The following LRRTM4 variants were observed in gnomAD, a reference collection of about 807,000 sequenced individuals.
LRRTM4 encodes the protein leucine-rich repeat transmembrane neuronal protein 4.
Under a neutral mutation model 47.6 loss-of-function variants are expected in LRRTM4, and 25 were observed. The observed-to-expected ratio is 0.53, with a 90% CI of 0.38 to 0.73. The LOEUF (loss-of-function observed/expected upper bound fraction) is 0.73. Among genes scored for constraint, LRRTM4 ranks in the 30% least tolerant of loss-of-function variants. The pLI is 0.00. For synonymous variants in LRRTM4, 311 were observed against 269.5 expected, an observed-to-expected ratio of 1.15 and a Z score of -1.51; for missense variants, 638 against 713.4, an observed-to-expected ratio of 0.89 and a Z score of 1.20.
intron 3 of LRRTM4, among the ~76,000 whole-genome samples, chr2:77,245,271 G>A (rs1281153077): frequency 1.3e-5 from 2 of 152,076 alleles, no homozygotes; most frequent in East Asian, 1.9e-4. Context: ...TCATGGCCAG[G>A]CCGGGTGCCT....
At chr2:77,078,739 C>T (rs954706760) in intron 3 of LRRTM4, among the ~76,000 whole-genome samples, 1 of 152,158 alleles carries the variant, frequency 6.6e-6, no homozygotes, top group Non-Finnish European at 1.5e-5. Flanking sequence ...GTACAAACTT[C>T]TGTTAAAATT....
intron 3 of LRRTM4, among the ~76,000 whole-genome samples, chr2:77,438,939 G>A (rs991877947): frequency 8.5e-5 from 13 of 152,110 alleles, no homozygotes; most frequent in Admixed American, 3.3e-4. Context: ...GGGGCATACT[G>A]CAATTGAACT....
At chr2:77,250,782 T>C (rs1273631937) in intron 3 of LRRTM4, among the ~76,000 whole-genome samples, 2 of 152,136 alleles carry the variant, frequency 1.3e-5, no homozygotes, top group Admixed American at 6.6e-5. Flanking sequence ...CAGATTGTCC[T>C]TGTATACTTA....
rs1184242434 is a variant in LRRTM4 at position 76,748,585 on chromosome 2, C to A, written c.*110G>T. On this transcript the variant is annotated 3_prime_UTR_variant, in exon 4 of 4. Transcript: ENST00000409884. Reference sequence around the variant, plus strand: ...TTTCTCTATGCCATAAATGTTTTAACAGGAACGATGAGCTTGCTCGATTGC... The same window carrying A: ...TTTCTCTATGCCATAAATGTTTTAAAAGGAACGATGAGCTTGCTCGATTGC... 3 of 868,486 alleles carry A rather than the reference C, an allele frequency of 3.5e-6. No individual in the cohort carries two copies. The highest frequency in any genetic ancestry group is 5.4e-6 in the Non-Finnish European group (3 of 554,730). The allele number at this position is 868,486 out of a possible 1,614,324, so 53.8% of individuals were successfully genotyped here.
chr2:77,244,294 G>T (rs577590605), intron 3 of LRRTM4, among the ~76,000 whole-genome samples: 54 of 146,844 alleles, frequency 3.7e-4, no homozygotes, highest in African/African-American at 1.1e-3. Flanking sequence ...CCAGTAATGG[G>T]ATGGCTGGGT....
At chr2:77,374,361 A>AG (rs1672755400) in intron 3 of LRRTM4, among the ~76,000 whole-genome samples, 1 of 151,816 alleles carries the variant, frequency 6.6e-6, no homozygotes, top group South Asian at 2.1e-4. Flanking sequence ...ATATTTCACA[A>AG]AGATGTTAAA....
chr2:76,863,704 A>G (rs1672385622), intron 3 of LRRTM4, among the ~76,000 whole-genome samples: 1 of 152,218 alleles, frequency 6.6e-6, no homozygotes, highest in South Asian at 2.1e-4. Context: ...TGCTACTTAT[A>G]CACAAAAAAC....
chr2:77,297,093 TTTG>T (rs1676995132), intron 3 of LRRTM4, among the ~76,000 whole-genome samples: 1 of 152,142 alleles, frequency 6.6e-6, no homozygotes, highest in East Asian at 1.9e-4. Flanking sequence ...TCTTTTTGTT[TTTG>T]TTGTTATTGT....
chr2:77,019,979 T>G (rs1042037346), intron 3 of LRRTM4, among the ~76,000 whole-genome samples: 2 of 152,044 alleles, frequency 1.3e-5, no homozygotes, highest in Non-Finnish European at 2.9e-5. Flanking sequence ...AATGGTGACC[T>G]GTGTTTTTTG....
chr2:77,074,520 G>A (rs1249614189), intron 3 of LRRTM4, among the ~76,000 whole-genome samples: 1 of 151,854 alleles, frequency 6.6e-6, no homozygotes, highest in Non-Finnish European at 1.5e-5. Flanking sequence ...TTAAGCTTAT[G>A]GTACTCTATT....
chr2:76,922,983 T>C (rs962249867), intron 3 of LRRTM4, among the ~76,000 whole-genome samples: 2 of 152,122 alleles, frequency 1.3e-5, no homozygotes, highest in African/African-American at 4.8e-5. Context: ...ATTAATTTAC[T>C]ATAAATTAGC....
At chr2:77,160,946 TC>T (rs1471393763) in intron 3 of LRRTM4, among the ~76,000 whole-genome samples, 1 of 152,150 alleles carries the variant, frequency 6.6e-6, no homozygotes, top group Non-Finnish European at 1.5e-5. Flanking sequence ...TATCTTCCTG[TC>T]CTAGTTCCAT....
At chr2:77,455,404 C>T (rs184631188) in intron 3 of LRRTM4, among the ~76,000 whole-genome samples, 1 of 151,734 alleles carries the variant, frequency 6.6e-6, no homozygotes, top group African/African-American at 2.4e-5. Flanking sequence ...AATATTTGAC[C>T]CCTTTTTGCC....
At chr2:77,092,549 T>C (rs4404303) in intron 3 of LRRTM4, among the ~76,000 whole-genome samples, 6,360 of 125,446 alleles carry the variant, frequency 0.051, 186 homozygotes, top group South Asian at 0.093. Context: ...GGCCCCCTCC[T>C]TTCCCTACAC....
intron 3 of LRRTM4, among the ~76,000 whole-genome samples, chr2:77,430,125 AT>A (rs1399673019): frequency 6.6e-6 from 1 of 152,150 alleles, no homozygotes; most frequent in Non-Finnish European, 1.5e-5. Context: ...AATATATTGT[AT>A]TCTTGAAACA....
chr2:77,453,889 C>A (rs1264663757), intron 3 of LRRTM4, among the ~76,000 whole-genome samples: 1 of 152,012 alleles, frequency 6.6e-6, no homozygotes, highest in Non-Finnish European at 1.5e-5. Flanking sequence ...CCCCCATTTT[C>A]TGTTATACTG....
chr2:76,857,846 C>G (rs946415324), intron 3 of LRRTM4, among the ~76,000 whole-genome samples: 2 of 152,012 alleles, frequency 1.3e-5, no homozygotes, highest in Admixed American at 1.3e-4. Context: ...GCATTACAAA[C>G]TAGCAAAATG....
At chr2:77,190,982 T>C (rs1221774477) in intron 3 of LRRTM4, among the ~76,000 whole-genome samples, 20 of 152,168 alleles carry the variant, frequency 1.3e-4, no homozygotes. Context: ...GTTTAATCAA[T>C]ATTAGGTTGG....
intron 3 of LRRTM4, among the ~76,000 whole-genome samples, chr2:77,251,274 T>C (rs1027568308): frequency 6.7e-6 from 1 of 149,416 alleles, no homozygotes; most frequent in African/African-American, 2.5e-5. Context: ...CACACACATA[T>C]ATATATGGGC....
Sources: allele counts gnomAD v4.1 joint callset (sites outside exome capture counted in the v4.1 genomes callset), GRCh38; gene constraint gnomAD v4.1.1; transcripts MANE v1.5; gene names NCBI Gene and HGNC (gene_info 2026-07-23, HGNC 2026-07-21).